DCC: variants seen among roughly 807,000 people sequenced by gnomAD.
DCC encodes DCC netrin 1 receptor.
DCC carries 58 observed loss-of-function variants against 172.5 expected under a neutral mutation model. The observed-to-expected ratio is 0.34, with a 90% CI of 0.27 to 0.42. DCC has a LOEUF of 0.42. DCC is among the 10% of genes least tolerant of loss of function. DCC has a pLI of 1.00. For synonymous variants in DCC, 709 were observed against 644.5 expected (o/e 1.10, Z -1.52); for missense variants, 1,740 against 1,791.0 (o/e 0.97, Z 0.51).
intron 12 of DCC, among the ~76,000 whole-genome samples, chr18:53,294,702 A>G (rs1440812357): frequency 2.0e-5 from 3 of 152,238 alleles, no homozygotes; most frequent in African/African-American, 7.2e-5. Flanking sequence ...TACTGTTACA[A>G]GAGCTGGGAC....
intron 19 of DCC, among the ~76,000 whole-genome samples, chr18:53,403,309 G>A (rs1383346647): frequency 1.4e-5 from 2 of 144,554 alleles, no homozygotes; most frequent in African/African-American, 5.0e-5. Flanking sequence ...GTGTTTGTGT[G>A]TATGGCACAT....
At chr18:52,415,804 T>A (rs932463664) in intron 1 of DCC, among the ~76,000 whole-genome samples, 3 of 152,228 alleles carry the variant, frequency 2.0e-5, no homozygotes, top group African/African-American at 7.2e-5. Context: ...ATCAATTTTG[T>A]TGATCCTTTC....
chr18:53,307,635 A>G, intron 13 of DCC, among the ~76,000 whole-genome samples: 1 of 151,880 alleles, frequency 6.6e-6, no homozygotes, highest in Non-Finnish European at 1.5e-5. Context: ...TAATATTCCA[A>G]TAAAAAAGCT....
At chr18:53,136,349 G>C (rs1248857784) in intron 7 of DCC, among the ~76,000 whole-genome samples, 1 of 151,926 alleles carries the variant, frequency 6.6e-6, no homozygotes, top group Non-Finnish European at 1.5e-5. Context: ...GTTGTGAACA[G>C]AGAAAGAACA....
intron 1 of DCC, among the ~76,000 whole-genome samples, chr18:52,707,473 C>G (rs547650147): frequency 6.6e-6 from 1 of 152,270 alleles, no homozygotes; most frequent in African/African-American, 2.4e-5. Flanking sequence ...AAAAACAGAA[C>G]TATCATATGA....
chr18:52,354,201 A>G (rs1327436374), intron 1 of DCC, among the ~76,000 whole-genome samples: 1 of 152,178 alleles, frequency 6.6e-6, no homozygotes, highest in Non-Finnish European at 1.5e-5. Flanking sequence ...TTCAGTGCTA[A>G]CAATAGGACA....
intron 7 of DCC, among the ~76,000 whole-genome samples, chr18:53,120,297 T>C (rs2043466375): frequency 6.6e-6 from 1 of 151,782 alleles, no homozygotes; most frequent in Non-Finnish European, 1.5e-5. Context: ...AATAAAAACA[T>C]TTATAGAATT....
chr18:52,778,890 C>T (rs569227989), intron 2 of DCC, among the ~76,000 whole-genome samples: 7 of 152,242 alleles, frequency 4.6e-5, no homozygotes, highest in African/African-American at 1.7e-4. Context: ...TTATCAATAT[C>T]CAATTGTGCC....
Position 52,355,208 on chromosome 18 carries a change from A to T in DCC, c.91+14330A>T, listed in dbSNP as rs73955612. ...AAGTCAAGACAAGATGATGGAGATT[A>T]AAAAAAAAAAGCACATAGAATGAAA... On this transcript the variant is annotated intron_variant, in intron 1 of 28. Transcript: ENST00000442544. 5.4e-3 allele frequency among the ~76,000 whole-genome samples: 541 copies of T among 100,748 alleles called. 7 individuals carry two copies. The highest frequency in any genetic ancestry group is 0.022 in the African/African-American group (509 of 23,200). 66.1% of individuals were successfully genotyped at this position (100,748 alleles called of 152,430 possible). A position where few individuals can be genotyped will look rare whatever the true frequency, so the allele number is the denominator to read the frequency against.
At chr18:53,024,200 T>A (rs1484703608) in intron 5 of DCC, among the ~76,000 whole-genome samples, 1 of 152,174 alleles carries the variant, frequency 6.6e-6, no homozygotes, top group Non-Finnish European at 1.5e-5. Flanking sequence ...AATTTTCTCT[T>A]AAAATAGTTT....
At chr18:53,420,057 T>C (rs138702540) in intron 21 of DCC, among the ~76,000 whole-genome samples, 19 of 152,180 alleles carry the variant, frequency 1.2e-4, no homozygotes, top group Non-Finnish European at 2.2e-4. Context: ...GATTTCACCA[T>C]GTTGGCCAGG....
chr18:52,427,208 A>G (rs1042908500), intron 1 of DCC, among the ~76,000 whole-genome samples: 3 of 152,112 alleles, frequency 2.0e-5, no homozygotes, highest in Admixed American at 2.0e-4. Flanking sequence ...AAGTCCAAAG[A>G]GCTGAAGTGA....
At chr18:53,467,618 T>C (rs751531663) in intron 24 of DCC, among the ~76,000 whole-genome samples, 11 of 152,204 alleles carry the variant, frequency 7.2e-5, no homozygotes, top group Non-Finnish European at 1.2e-4. Context: ...TTGAAAAATA[T>C]ATTAATGTAC....
At chr18:52,845,524 C>T (rs983450038) in intron 2 of DCC, among the ~76,000 whole-genome samples, 14 of 152,234 alleles carry the variant, frequency 9.2e-5, no homozygotes, top group African/African-American at 2.6e-4. Flanking sequence ...CCATGAAAAC[C>T]TCTAAACAAT....
At chr18:52,965,706 C>T (rs2040918155) in intron 5 of DCC, among the ~76,000 whole-genome samples, 1 of 152,008 alleles carries the variant, frequency 6.6e-6, no homozygotes, top group Non-Finnish European at 1.5e-5. Context: ...TAAACTATCC[C>T]ACACACACAT....
At chr18:52,913,298 G>T (rs1398067502) in intron 3 of DCC, among the ~76,000 whole-genome samples, 1 of 152,070 alleles carries the variant, frequency 6.6e-6, no homozygotes, top group South Asian at 2.1e-4. Flanking sequence ...AGCCTAACCT[G>T]ACTTACTGTG....
intron 1 of DCC, among the ~76,000 whole-genome samples, chr18:52,502,922 T>C (rs577018386): frequency 2.2e-4 from 33 of 152,370 alleles, no homozygotes; most frequent in Admixed American, 1.9e-3. Context: ...TAATTTGTGC[T>C]GTCTTGCTAA....
intron 1 of DCC, among the ~76,000 whole-genome samples, chr18:52,453,934 G>T (rs888704193): frequency 8.5e-5 from 13 of 152,164 alleles, no homozygotes; most frequent in African/African-American, 3.1e-4. Context: ...AGTGGCTGAA[G>T]AGCAGGTCAC....
Position 53,514,414 on chromosome 18 carries a change from A to T in DCC, c.4112-12203A>T, listed in dbSNP as rs1382404838. On this transcript the variant is annotated intron_variant, in intron 27 of 28. Coordinates refer to ENST00000442544, the MANE Select transcript of DCC (RefSeq NM_005215.4). ...GAACTAGAAAAGCAAGAGCAAACAC[A>T]TTCAAAAGCTAGCAGAAGGCAAGAA... is the stretch of plus-strand genomic sequence containing the variant. 2.6e-5 allele frequency among the ~76,000 whole-genome samples: 4 copies of T among 152,204 alleles called. No individual in the cohort carries two copies. The East Asian group carries it at 5.8e-4, about 22-fold the overall frequency.
Sources: gnomAD v4.1 joint callset for allele counts (sites outside exome capture counted in the v4.1 genomes callset) on GRCh38, gnomAD v4.1.1 for gene constraint, MANE v1.5 for transcripts, NCBI Gene and HGNC (gene_info 2026-07-23, HGNC 2026-07-21) for gene names.